Variants in FAM171A1 observed in about 807,000 individuals in gnomAD.
FAM171A1 encodes the protein protein FAM171A1.
A neutral mutation model predicts 74.9 loss-of-function variants in FAM171A1; 23 were observed. The ratio of observed to expected loss-of-function variants is 0.31; its 90% CI spans 0.22 to 0.44. The LOEUF is 0.44. Ranked by LOEUF, FAM171A1 falls within the 20% of genes least tolerant of loss-of-function variation. The pLI is 1.00. For synonymous variants in FAM171A1, 527 were observed against 505.7 expected (o/e 1.04, Z -0.57); for missense variants, 1,162 against 1,159.2 (o/e 1.00, Z -0.03).
chr10:15,322,767 A>G (rs1588553319), intron 1 of FAM171A1, among the ~76,000 whole-genome samples: 3 of 152,198 alleles, frequency 2.0e-5, no homozygotes, highest in Admixed American at 1.3e-4. Flanking sequence ...TTGCCCCCAG[A>G]ATGGACTTAT....
At chr10:15,233,148 A>G (rs1834229582) in intron 5 of FAM171A1, among the ~76,000 whole-genome samples, 1 of 151,978 alleles carries the variant, frequency 6.6e-6, no homozygotes, top group African/African-American at 2.4e-5. Flanking sequence ...ACAAAAAATT[A>G]GCTTGGCGTG....
At chr10:15,315,211 T>C (rs1835407957) in intron 1 of FAM171A1, among the ~76,000 whole-genome samples, 1 of 152,156 alleles carries the variant, frequency 6.6e-6, no homozygotes, top group African/African-American at 2.4e-5. Context: ...ATCCATCTAA[T>C]ATAGGAAGGC....
Position 15,303,201 on chromosome 10 carries a change from C to A in FAM171A1, c.98-19096G>T, listed in dbSNP as rs144209303. Among the ~76,000 whole-genome samples the A allele has an allele frequency of 3.8e-3, 575 of 152,044 alleles. 6 individuals are homozygous for A. The highest frequency in any genetic ancestry group is 0.013 in the African/African-American group (551 of 41,508). On this transcript the variant is annotated intron_variant, in intron 1 of 7. Coordinates refer to ENST00000378116, the MANE Select transcript of FAM171A1 (RefSeq NM_001010924.2). ...CAAAGCTCCATCTCAAAAAAAAAGT[C>A]CTGATTTACCTCAATATTTATGAAA...
intron 1 of FAM171A1, among the ~76,000 whole-genome samples, chr10:15,353,717 C>T (rs1472438005): frequency 1.3e-5 from 2 of 152,068 alleles, no homozygotes; most frequent in Non-Finnish European, 2.9e-5. Flanking sequence ...GCAGTGTAGA[C>T]AGCAGGGGAA....
chr10:15,317,668 C>T (rs1356063076), intron 1 of FAM171A1, among the ~76,000 whole-genome samples: 2 of 152,266 alleles, frequency 1.3e-5, no homozygotes, highest in Non-Finnish European at 2.9e-5. Flanking sequence ...GCTGGGATTA[C>T]AGGCGTGAGC....
chr10:15,347,527 G>A (rs1588565208), intron 1 of FAM171A1, among the ~76,000 whole-genome samples: 1 of 152,076 alleles, frequency 6.6e-6, no homozygotes, highest in Non-Finnish European at 1.5e-5. Flanking sequence ...GAGTCACCAA[G>A]TATTTACCTA....
At chr10:15,248,548 G>A in intron 5 of FAM171A1, 91 bp downstream of exon 5, 1 of 1,383,876 alleles carries the variant, frequency 7.2e-7, no homozygotes, top group Non-Finnish European at 9.8e-7. Flanking sequence ...TGACTTCAAG[G>A]AAAGGAGACT....
At chr10:15,362,482 G>C (rs1196895805) in intron 1 of FAM171A1, among the ~76,000 whole-genome samples, 1 of 152,168 alleles carries the variant, frequency 6.6e-6, no homozygotes, top group African/African-American at 2.4e-5. Context: ...GAGGTGGGTG[G>C]GTCACCTGAG....
At chr10:15,227,046 C>G (rs768346201) in intron 5 of FAM171A1, among the ~76,000 whole-genome samples, 1 of 152,206 alleles carries the variant, frequency 6.6e-6, no homozygotes, top group African/African-American at 2.4e-5. Context: ...TTTGCCCAGG[C>G]TGGAGTGCAG....
At position 15,213,090 on chromosome 10, in the gene FAM171A1, T is replaced by C; in HGVS notation, c.2498A>G (p.Glu833Gly). ...RSGGQLPSLQ[E>G]ETTRRTADAP... ...ATCCGCAGTCCGTCTGGTCGTCTCCTCCTGCAGGCTGGGCAGCTGGCCACC... is the reference window on the plus strand; with the variant it reads ...ATCCGCAGTCCGTCTGGTCGTCTCCCCCTGCAGGCTGGGCAGCTGGCCACC... The change falls in exon 8 of 8, where the codon GAG (glutamate) becomes GGG (glycine). Residue 833 changes from glutamate to glycine, a missense_variant. Glu to Gly is a moderately conservative substitution (Grantham distance 98, BLOSUM62 -2). Coordinates refer to ENST00000378116, the MANE Select transcript of FAM171A1 (RefSeq NM_001010924.2). The surrounding 1 kb of genome is among the most constrained non-coding windows in gnomAD (Gnocchi z 6.8). The C allele has an allele frequency of 1.2e-6, 2 of 1,613,624 alleles. No homozygotes were observed. Among genetic ancestry groups the C allele is most frequent in the Non-Finnish European group, 1.7e-6 (2 of 1,179,796 alleles).
At chr10:15,356,994 A>T (rs1382205768) in intron 1 of FAM171A1, among the ~76,000 whole-genome samples, 2 of 149,346 alleles carry the variant, frequency 1.3e-5, no homozygotes, top group African/African-American at 5.0e-5. Context: ...ACAAACAAAA[A>T]AAGGCCGGGC....
intron 1 of FAM171A1, among the ~76,000 whole-genome samples, chr10:15,349,351 G>A (rs150614174): frequency 1.3e-5 from 2 of 152,282 alleles, no homozygotes; most frequent in African/African-American, 4.8e-5. Flanking sequence ...GAAGGGCGAG[G>A]GCCATGCATG....
intron 1 of FAM171A1, among the ~76,000 whole-genome samples, chr10:15,353,623 T>C (rs570622343): frequency 6.6e-6 from 1 of 152,306 alleles, no homozygotes; most frequent in Non-Finnish European, 1.5e-5. Context: ...ACAGAAGGGC[T>C]ATTTACACCA....
chr10:15,325,040 C>T (rs1429648274), intron 1 of FAM171A1, among the ~76,000 whole-genome samples: 2 of 152,218 alleles, frequency 1.3e-5, no homozygotes, highest in Non-Finnish European at 2.9e-5. Context: ...TGATAAATAT[C>T]TAATGGGAAT....
chr10:15,327,937 G>GT (rs1027846259), intron 1 of FAM171A1, among the ~76,000 whole-genome samples: 33 of 40,188 alleles, frequency 8.2e-4, no homozygotes, highest in Non-Finnish European at 1.7e-3. Context: ...TAAAATAAAA[G>GT]TAAAAAAAAA....
intron 3 of FAM171A1, among the ~76,000 whole-genome samples, chr10:15,266,629 G>A (rs1052220995): frequency 1.3e-5 from 2 of 152,152 alleles, no homozygotes; most frequent in African/African-American, 2.4e-5. Context: ...ACTGTGGAAG[G>A]CTGAGGTGGG....
intron 3 of FAM171A1, among the ~76,000 whole-genome samples, chr10:15,266,095 C>A (rs911718821): frequency 3.9e-5 from 6 of 152,210 alleles, no homozygotes; most frequent in Non-Finnish European, 7.3e-5. Context: ...CCGTCTGCTC[C>A]TTTCTGACCT....
chr10:15,231,036 C>A (rs1834198479), intron 5 of FAM171A1, among the ~76,000 whole-genome samples: 1 of 152,162 alleles, frequency 6.6e-6, no homozygotes, highest in African/African-American at 2.4e-5. Flanking sequence ...GGATGAAAGA[C>A]AGCATAACAG....
rs138460271 is a variant in FAM171A1, at chr10:15,223,464, C to T, written c.755-2404G>A. 2.7e-3 allele frequency among the ~76,000 whole-genome samples: 417 copies of T among 152,326 alleles called. 1 individual carries two copies. Among genetic ancestry groups the T allele is most frequent in the African/African-American group, 9.0e-3 (374 of 41,576 alleles). ...ACAGCAGATTCTGGGTTAGGCTAAA[C>T]GGGACCCAGAGGGTGAGAGCTGGAA... is the stretch of plus-strand genomic sequence containing the variant. On this transcript the variant is annotated intron_variant, in intron 5 of 7. Coordinates refer to ENST00000378116, the MANE Select transcript of FAM171A1 (RefSeq NM_001010924.2).
Sources: allele counts gnomAD v4.1 joint callset (sites outside exome capture counted in the v4.1 genomes callset), GRCh38; gene constraint gnomAD v4.1.1; non-coding constraint Gnocchi (gnomAD v3.1); transcripts MANE v1.5; gene names NCBI Gene and HGNC (gene_info 2026-07-23, HGNC 2026-07-21).